The following ANK1 variants were observed in gnomAD, a reference collection of about 807,000 sequenced individuals.
The protein encoded by ANK1 is ankyrin 1, also known as ankyrin-1.
A neutral mutation model predicts 210.4 loss-of-function variants in ANK1; 51 were observed. The ratio of observed to expected loss-of-function variants is 0.24; its 90% confidence interval spans 0.19 to 0.31. The LOEUF is 0.31. ANK1 is among the 10% of genes least tolerant of loss of function. ANK1 has a pLI of 1.00. For missense variants in ANK1, 2,051 were observed against 2,504.4 expected, an observed-to-expected ratio of 0.82 and a Z score of 3.86; for synonymous variants, 967 against 1,025.9, an observed-to-expected ratio of 0.94 and a Z score of 1.10.
intron 1 of ANK1, chr8:41,829,884 C>G (rs1471802055): frequency 7.2e-6 from 1 of 138,588 alleles, no homozygotes; most frequent in Non-Finnish European, 1.5e-5. Context: ...TGCAGTGAGC[C>G]GAGATCGCCC....
At position 41,655,501 on chromosome 8, in the gene ANK1, C is replaced by T. The variant is rs566279026; in HGVS notation, c.*289G>A. On this transcript the variant is annotated 3_prime_UTR_variant, in exon 43 of 43. Coordinates refer to ENST00000289734, the MANE Select transcript of ANK1 (RefSeq NM_000037.4). ...CTTGTTTTCTATCCCTCTCTCTCCCCGCTTCTTGCTGCTTTTGTGTCCTGG... is the reference window on the plus strand; with the variant it reads ...CTTGTTTTCTATCCCTCTCTCTCCCTGCTTCTTGCTGCTTTTGTGTCCTGG... 9.1e-6 allele frequency: 5 copies of T among 550,856 alleles called. No individual in the cohort carries two copies. The highest frequency in any genetic ancestry group is 5.9e-5 in the East Asian group (2 of 34,092). 34.1% of individuals were successfully genotyped at this position (550,856 alleles called of 1,614,324 possible).
At chr8:41,894,587 A>C (rs1260914192) in intron 1 of ANK1, among the ~76,000 whole-genome samples, 1 of 152,166 alleles carries the variant, frequency 6.6e-6, no homozygotes, top group East Asian at 1.9e-4. Context: ...ATTTTCAAAA[A>C]ATGATATATG....
In ANK1 at chr8:41,722,561, G is replaced by A. The variant is rs909216850; in HGVS notation, c.909+564C>T. Among the ~76,000 whole-genome samples the A allele has an allele frequency of 6.6e-5, 10 of 152,204 alleles. No individual in the cohort carries two copies. The South Asian group carries it at 1.7e-3, about 25-fold the overall frequency. On this transcript the variant is annotated intron_variant, in intron 9 of 42. Coordinates refer to ENST00000289734, the MANE Select transcript of ANK1 (RefSeq NM_000037.4). ...ACTCGAGTCCTTATGTCAGAGCCAC[G>A]TAACGGGCCTTTTCTCTGGCCCGTA...
In ANK1 at chr8:41,672,706, C is replaced by T. The variant is rs771954847; in HGVS notation, c.4744G>A (p.Asp1582Asn). Residue 1582 changes from aspartate to asparagine, a missense_variant, in exon 38 of 43, where the codon GAC becomes AAC. Asp to Asn is a conservative substitution (Grantham distance 23). This residue lies in a region of ANK1 where 496 missense variants were observed against 533.4 expected (regional missense o/e 0.93). Coordinates refer to ENST00000289734, the MANE Select transcript of ANK1 (RefSeq NM_000037.4). ...GCCTTGCTACACTCCAGAGAGGAGT[C>T]CTCAGCAGTGACCAGAGAAGGCGTG... ...GLTPSLVTAE[D>N]SSLECSKAED... The T allele has an allele frequency of 3.1e-6, 5 of 1,611,850 alleles. No individual in the cohort carries two copies. Among genetic ancestry groups the T allele is most frequent in the Non-Finnish European group, 4.2e-6 (5 of 1,178,180 alleles).
At chr8:41,662,073 A>C in intron 40 of ANK1, 132 bp from the exon 41 acceptor site, 1 of 1,183,560 alleles carries the variant, frequency 8.4e-7, no homozygotes, top group Non-Finnish European at 1.2e-6. Context: ...CCTGGCCAAC[A>C]TGGTGAAACC....
chr8:41,810,491 T>C (rs1802321524), intron 1 of ANK1, among the ~76,000 whole-genome samples: 1 of 152,352 alleles, frequency 6.6e-6, no homozygotes, highest in Non-Finnish European at 1.5e-5. Flanking sequence ...AAGCCATCTG[T>C]GGCCCCTCTG....
At chr8:41,713,664 C>T (rs1052538766) in intron 16 of ANK1, among the ~76,000 whole-genome samples, 3 of 152,232 alleles carry the variant, frequency 2.0e-5, no homozygotes, top group South Asian at 4.1e-4. Context: ...CCAGCAAGCT[C>T]GCCAGCAGCC....
chr8:41,681,304 A>T (rs1368204475), intron 37 of ANK1, among the ~76,000 whole-genome samples: 1 of 152,224 alleles, frequency 6.6e-6, no homozygotes, highest in Non-Finnish European at 1.5e-5. Flanking sequence ...TCCTCTCATA[A>T]GGGAAGTCTG....
chr8:41,843,151 G>A, intron 1 of ANK1, among the ~76,000 whole-genome samples: 1 of 152,102 alleles, frequency 6.6e-6, no homozygotes, highest in East Asian at 1.9e-4. Flanking sequence ...CCCAGCCAAT[G>A]TTCATATATT....
chr8:41,702,149 G>A lies in ANK1; in HGVS notation c.2296-5C>T, dbSNP rs747421541. The A allele has an allele frequency of 2.5e-5, 40 of 1,613,092 alleles. No individual in the cohort carries two copies. The highest frequency in any genetic ancestry group is 3.2e-5 in the Non-Finnish European group (38 of 1,179,280). On this transcript the variant is annotated splice_polypyrimidine_tract_variant and splice_region_variant and intron_variant, in intron 20 of 42. Transcript: ENST00000289734. Reference sequence around the variant, plus strand: ...GGCCAGAGGTGTGGTTCCATCCTGGGGAAAGAGCAGCCCGGGTGCAGTCAG... The same window carrying A: ...GGCCAGAGGTGTGGTTCCATCCTGGAGAAAGAGCAGCCCGGGTGCAGTCAG...
At chr8:41,787,580 A>G (rs1177804318) in intron 1 of ANK1, among the ~76,000 whole-genome samples, 1 of 152,214 alleles carries the variant, frequency 6.6e-6, no homozygotes, top group Non-Finnish European at 1.5e-5. Context: ...AGCTTCAAAC[A>G]TCCTTGAAAA....
chr8:41,893,881 A>T (rs1819933060), intron 1 of ANK1, among the ~76,000 whole-genome samples: 1 of 152,146 alleles, frequency 6.6e-6, no homozygotes, highest in Non-Finnish European at 1.5e-5. Context: ...CTTCATGAAA[A>T]ATGGCTTAGT....
rs1027452486 is a variant in ANK1, at chr8:41,797,262, G to C, written c.27+250C>G. ...ACATAATTCAGAGACCCAGGTAGTT[G>C]GAACTCAATTTGACAGCAAATCTCT... On this transcript the variant is annotated intron_variant, in intron 1 of 42. Coordinates refer to ENST00000289734, the MANE Select transcript of ANK1 (RefSeq NM_000037.4). The surrounding 1 kb of genome is among the most constrained non-coding windows in gnomAD (Gnocchi z 4.0). Among the ~76,000 whole-genome samples the C allele has an allele frequency of 4.6e-5, 7 of 152,246 alleles. No homozygotes were observed. The highest frequency in any genetic ancestry group is 1.4e-4 in the African/African-American group (6 of 41,472).
intron 1 of ANK1, among the ~76,000 whole-genome samples, chr8:41,833,178 C>A (rs564196412): frequency 6.6e-5 from 10 of 152,276 alleles, no homozygotes; most frequent in Admixed American, 1.3e-4. Flanking sequence ...CCCGGGCCTC[C>A]CTCCAGCACC....
At chr8:41,783,449 C>G (rs1456342116) in intron 1 of ANK1, among the ~76,000 whole-genome samples, 1 of 152,182 alleles carries the variant, frequency 6.6e-6, no homozygotes, top group Non-Finnish European at 1.5e-5. Flanking sequence ...AACCTGGTGA[C>G]AATTCGGGAC....
chr8:41,857,956 A>G (rs1812530286), intron 1 of ANK1, among the ~76,000 whole-genome samples: 1 of 151,228 alleles, frequency 6.6e-6, no homozygotes, highest in South Asian at 2.1e-4. Context: ...GGCCAGGTAT[A>G]GTAGCTCATG....
chr8:41,831,645 AAAAAAAAAAAGAAGAAG>A (rs1563865931), intron 1 of ANK1, among the ~76,000 whole-genome samples: 1 of 129,308 alleles, frequency 7.7e-6, no homozygotes, highest in Non-Finnish European at 1.6e-5. Flanking sequence ...CTGTCAAAAA[AAAAAAAAAAAGAAGAAG>A]AAAAAGAAAA....
At chr8:41,688,685 G>T in intron 33 of ANK1, 96 bp from the exon 34 acceptor site, 1 of 1,057,886 alleles carries the variant, frequency 9.5e-7, no homozygotes, top group South Asian at 1.3e-5. Context: ...GTGGAAGGCT[G>T]ACCCCAGTCC....
intron 13 of ANK1, among the ~76,000 whole-genome samples, chr8:41,716,209 A>G (rs147247540): frequency 3.0e-4 from 45 of 152,230 alleles, no homozygotes; most frequent in Non-Finnish European, 6.0e-4. Flanking sequence ...AAGGCACTCA[A>G]TGCAGTGTGG....
Sources: allele counts gnomAD v4.1 joint callset (sites outside exome capture counted in the v4.1 genomes callset), GRCh38; gene constraint gnomAD v4.1.1; regional missense constraint gnomAD v4.1.1; non-coding constraint Gnocchi (gnomAD v3.1); transcripts MANE v1.5; gene names NCBI Gene and HGNC (gene_info 2026-07-23, HGNC 2026-07-21).